RAB12: variants seen among roughly 807,000 people sequenced by gnomAD.
RAB12 encodes ras-related protein Rab-12.
RAB12 carries 11 observed loss-of-function variants against 28.4 expected under a neutral mutation model. That is an observed-to-expected ratio of 0.39 (90% confidence interval 0.24 to 0.64). The LOEUF (loss-of-function observed/expected upper bound fraction) is 0.64, where lower values mean the gene tolerates loss of function less well. Among genes scored for constraint, RAB12 ranks in the 30% least tolerant of loss-of-function variants. RAB12 has a pLI of 0.50. For synonymous variants in RAB12, 138 were observed against 145.3 expected, an observed-to-expected ratio of 0.95 and a Z score of 0.36; for missense variants, 276 against 351.1, an observed-to-expected ratio of 0.79 and a Z score of 1.71.
intron 1 of RAB12, among the ~76,000 whole-genome samples, chr18:8,622,346 C>G (rs1180572350): frequency 6.6e-6 from 1 of 152,156 alleles, no homozygotes; most frequent in Non-Finnish European, 1.5e-5. Context: ...AGGTTCTTTT[C>G]TATTTTCCCT....
intron 2 of RAB12, among the ~76,000 whole-genome samples, chr18:8,630,653 G>A (rs1463258286): frequency 6.6e-6 from 1 of 152,172 alleles, no homozygotes; most frequent in Non-Finnish European, 1.5e-5. Flanking sequence ...TTAAAAAGGA[G>A]AAACAGGGCT....
rs2148709599 is a variant in RAB12 at position 8,626,535 on chromosome 18, T to C, written c.575+1537T>C. 1.3e-5 allele frequency among the ~76,000 whole-genome samples: 2 copies of C among 152,340 alleles called. 1 individual carries two copies. Among genetic ancestry groups the C allele is most frequent in the South Asian group, 4.1e-4 (2 of 4,832 alleles). On this transcript the variant is annotated intron_variant, in intron 2 of 5. Transcript: ENST00000649141. Reference sequence around the variant, plus strand: ...GTATGTCCAAATGATTTATAAAGTATGTCCAAATGTCCTGGTGCCTCCCTG... The same window carrying C: ...GTATGTCCAAATGATTTATAAAGTACGTCCAAATGTCCTGGTGCCTCCCTG...
At chr18:8,624,153 A>G (rs321655) in intron 1 of RAB12, among the ~76,000 whole-genome samples, 105,015 of 152,206 alleles carry the variant, frequency 0.69, 36,884 homozygotes, top group African/African-American at 0.79. Flanking sequence ...GGTGCCTCTA[A>G]TTCTAAATTC....
chr18:8,624,555 G>A (rs1312920779), intron 1 of RAB12, among the ~76,000 whole-genome samples: 1 of 152,158 alleles, frequency 6.6e-6, no homozygotes, highest in African/African-American at 2.4e-5. Context: ...TAAGTTTCCA[G>A]TGTTCCATAT....
chr18:8,609,680 G>C lies in RAB12; in HGVS notation c.241G>C (p.Gly81Arg), dbSNP rs1297740534. 6.5e-6 allele frequency: 6 copies of C among 927,402 alleles called. No individual in the cohort carries two copies. The East Asian group carries it at 5.9e-4, about 92-fold the overall frequency. 57.4% of individuals were successfully genotyped at this position (927,402 alleles called of 1,614,324 possible). ...GCCGGGGCCCGGGGCGCGCAGCCGG[G>C]GGGCGGGCGGCGGCGGGCGGCGGGC... ...GAPGPGARSRGAGGGGRRAER... is the reference protein window; with the variant it reads ...GAPGPGARSRRAGGGGRRAER... The change falls in exon 1 of 6, where the codon GGG becomes CGG. Residue 81 changes from glycine (G) to arginine (R), a missense_variant. Gly to Arg is a moderately radical substitution (Grantham distance 125, BLOSUM62 -2). Coordinates refer to ENST00000649141, the MANE Select transcript of RAB12 (RefSeq NM_001025300.3).
chr18:8,613,857 A>AGTG (rs2096005243), intron 1 of RAB12, among the ~76,000 whole-genome samples: 2 of 152,066 alleles, frequency 1.3e-5, no homozygotes, highest in South Asian at 2.1e-4. Flanking sequence ...TAGTAGTAGT[A>AGTG]GTAGTAGTAG....
intron 2 of RAB12, among the ~76,000 whole-genome samples, chr18:8,630,236 A>G (rs756685434): frequency 1.2e-4 from 18 of 152,208 alleles, no homozygotes; most frequent in Non-Finnish European, 2.5e-4. Flanking sequence ...ACATCAATCA[A>G]TACATGTAAG....
intron 1 of RAB12, among the ~76,000 whole-genome samples, chr18:8,615,639 C>T (rs572542610): frequency 1.3e-5 from 2 of 152,258 alleles, no homozygotes; most frequent in South Asian, 4.1e-4. Context: ...TTCTTATACC[C>T]ACATATGCTG....
At chr18:8,629,788 T>G (rs2096014879) in intron 2 of RAB12, among the ~76,000 whole-genome samples, 1 of 152,158 alleles carries the variant, frequency 6.6e-6, no homozygotes, top group Non-Finnish European at 1.5e-5. Flanking sequence ...GTCCCACAGG[T>G]GCCTAAGGGA....
At chr18:8,618,481 A>G (rs973036962) in intron 1 of RAB12, among the ~76,000 whole-genome samples, 1 of 151,840 alleles carries the variant, frequency 6.6e-6, no homozygotes, top group African/African-American at 2.4e-5. Context: ...AGACAGGTCT[A>G]CTAGCAGTGA....
intron 2 of RAB12, among the ~76,000 whole-genome samples, chr18:8,632,282 CAAA>C (rs397859076): frequency 6.8e-5 from 4 of 58,778 alleles, no homozygotes; most frequent in African/African-American, 1.6e-4. Context: ...ACTCTGTCTC[CAAA>C]AAAAAAAAAA....
chr18:8,624,988 T>G lies in RAB12; in HGVS notation c.565T>G (p.Leu189Val), dbSNP rs749919703. 6.2e-7 allele frequency: 1 copy of G among 1,600,176 alleles called. No homozygotes were observed. The highest frequency in any genetic ancestry group is 1.1e-5 in the South Asian group (1 of 90,556). Residue 189 changes from leucine to valine, a missense_variant, in exon 2 of 6, where the codon TTA becomes GTA. Transcript: ENST00000649141. ...TVELRGKKIRLQIWDTAGQER... is the reference protein window; with the variant it reads ...TVELRGKKIRVQIWDTAGQER... Reference sequence around the variant, plus strand: ...AGAGCTAAGAGGAAAGAAAATTAGATTACAGATCTGGTAAGTGGGAGAGTG... The same window carrying G: ...AGAGCTAAGAGGAAAGAAAATTAGAGTACAGATCTGGTAAGTGGGAGAGTG...
intron 1 of RAB12, among the ~76,000 whole-genome samples, chr18:8,622,703 C>T (rs2096010561): frequency 6.6e-6 from 1 of 151,036 alleles, no homozygotes; most frequent in African/African-American, 2.5e-5. Context: ...CCGGTCTGAC[C>T]CAAATTTATT....
In RAB12 at chr18:8,633,061, G is replaced by A. The variant is rs760978210; in HGVS notation, c.576-128G>A. 6.3e-5 allele frequency: 72 copies of A among 1,147,758 alleles called. No homozygotes were observed. The Middle Eastern group carries it at 1.9e-3, about 31-fold the overall frequency. The allele number at this position is 1,147,758 out of a possible 1,614,324, so 71.1% of individuals were successfully genotyped here. A position where few individuals can be genotyped will look rare whatever the true frequency, so the allele number is the denominator to read the frequency against. ...TTTAAGTGTGGTCATCAGGTCAAAGGGAAATAGGGGTTACTCTCGTTCTTT... is the reference window on the plus strand; with the variant it reads ...TTTAAGTGTGGTCATCAGGTCAAAGAGAAATAGGGGTTACTCTCGTTCTTT... On this transcript the variant is annotated intron_variant, in intron 2 of 5. Transcript: ENST00000649141.
intron 3 of RAB12, 76 bp from the exon 4 acceptor site, chr18:8,635,457 G>GT (rs1193755531): frequency 1.5e-5 from 16 of 1,061,148 alleles, no homozygotes; most frequent in Non-Finnish European, 2.0e-5. Flanking sequence ...GAAAAATACT[G>GT]TATCGGTTTA....
intron 2 of RAB12, among the ~76,000 whole-genome samples, chr18:8,632,420 G>A (rs912473855): frequency 2.6e-5 from 4 of 152,110 alleles, no homozygotes; most frequent in African/African-American, 4.8e-5. Flanking sequence ...TCCAGTGGCC[G>A]GACCCAGACA....
intron 5 of RAB12, among the ~76,000 whole-genome samples, chr18:8,637,779 C>T (rs373564685): frequency 1.4e-4 from 21 of 152,068 alleles, no homozygotes; most frequent in East Asian, 1.2e-3. Context: ...GTATGTTATA[C>T]GTATTTTATA....
chr18:8,633,708 C>T (rs780940759), intron 3 of RAB12, among the ~76,000 whole-genome samples: 1 of 152,184 alleles, frequency 6.6e-6, no homozygotes, highest in African/African-American at 2.4e-5. Flanking sequence ...GCCTTCTCCA[C>T]GGTGCCTGCG....
intron 3 of RAB12, among the ~76,000 whole-genome samples, chr18:8,634,595 C>G (rs1437700616): frequency 9.2e-5 from 14 of 152,146 alleles, no homozygotes; most frequent in Non-Finnish European, 2.9e-5. Flanking sequence ...GAGTCTGTGC[C>G]CACCCAGGTC....
Sources: allele counts gnomAD v4.1 joint callset (sites outside exome capture counted in the v4.1 genomes callset), GRCh38; gene constraint gnomAD v4.1.1; transcripts MANE v1.5; gene names NCBI Gene and HGNC (gene_info 2026-07-23, HGNC 2026-07-21).